The following NXPH2 variants were observed in gnomAD, a reference collection of about 807,000 sequenced individuals.
NXPH2 encodes the protein neurexophilin 2.
Under a neutral mutation model 19.8 loss-of-function variants are expected in NXPH2, and 5 were observed. The observed-to-expected ratio is 0.25, with a 90% CI of 0.13 to 0.53. The LOEUF is 0.53. Among genes scored for constraint, NXPH2 ranks in the 20% least tolerant of loss-of-function variants. NXPH2 has a pLI of 0.96. For synonymous variants in NXPH2, 154 were observed against 127.4 expected, an observed-to-expected ratio of 1.21 and a Z score of -1.41; for missense variants, 289 against 322.8, an observed-to-expected ratio of 0.90 and a Z score of 0.80.
At chr2:138,752,174 T>A (rs6751573) in intron 1 of NXPH2, among the ~76,000 whole-genome samples, 22,549 of 152,032 alleles carry the variant, frequency 0.15, 1,987 homozygotes, top group East Asian at 0.46. Flanking sequence ...ACTCAAATCT[T>A]ATTTACTAGG....
rs540194188 is a variant in NXPH2, at chr2:138,733,990, A to C, written c.51+46201T>G. Among the ~76,000 whole-genome samples the C allele has an allele frequency of 3.3e-5, 5 of 152,314 alleles. No individual in the cohort carries two copies. In the South Asian group the frequency reaches 8.3e-4, roughly 25 times the overall value. On this transcript the variant is annotated intron_variant, in intron 1 of 1. Transcript: ENST00000272641. ...GTGAGCATGGTGGCTCACACCTGTA[A>C]TCCCAGCACTTTGGGAGGCCAAGGC...
At chr2:138,680,154 G>T (rs999967023) in intron 1 of NXPH2, among the ~76,000 whole-genome samples, 1 of 152,318 alleles carries the variant, frequency 6.6e-6, no homozygotes, top group Non-Finnish European at 1.5e-5. Flanking sequence ...GCATAAAAAT[G>T]GTTAATGGGT....
chr2:138,689,638 G>A (rs1680716676), intron 1 of NXPH2, among the ~76,000 whole-genome samples: 2 of 152,146 alleles, frequency 1.3e-5, no homozygotes, highest in African/African-American at 4.8e-5. Flanking sequence ...AAATCGCATA[G>A]GAAAATGCTT....
intron 1 of NXPH2, among the ~76,000 whole-genome samples, chr2:138,694,863 G>T (rs1406893704): frequency 6.6e-6 from 1 of 152,130 alleles, no homozygotes; most frequent in Non-Finnish European, 1.5e-5. Context: ...AGATTATTTT[G>T]CAGGCTATTG....
chr2:138,672,779 A>G (rs1020743934), intron 1 of NXPH2, among the ~76,000 whole-genome samples: 1 of 152,224 alleles, frequency 6.6e-6, no homozygotes, highest in African/African-American at 2.4e-5. Context: ...ACTTGGCAAA[A>G]CACTTGGTAA....
intron 1 of NXPH2, among the ~76,000 whole-genome samples, chr2:138,716,486 T>A: frequency 6.6e-6 from 1 of 152,182 alleles, no homozygotes; most frequent in East Asian, 1.9e-4. Context: ...GGCACCTTGA[T>A]CTCGAACTTT....
chr2:138,682,980 G>T (rs1048344622), intron 1 of NXPH2, among the ~76,000 whole-genome samples: 5 of 152,074 alleles, frequency 3.3e-5, no homozygotes, highest in Non-Finnish European at 5.9e-5. Flanking sequence ...AGAAAACTTA[G>T]ATTTTATTTT....
At chr2:138,678,373 G>A (rs963360082) in intron 1 of NXPH2, among the ~76,000 whole-genome samples, 3 of 152,204 alleles carry the variant, frequency 2.0e-5, no homozygotes, top group African/African-American at 4.8e-5. Flanking sequence ...GGCTGAGGTA[G>A]AGCAAATGTA....
At chr2:138,759,291 T>C (rs1479942733) in intron 1 of NXPH2, among the ~76,000 whole-genome samples, 1 of 152,094 alleles carries the variant, frequency 6.6e-6, no homozygotes, top group East Asian at 1.9e-4. Context: ...AGGCATGGAT[T>C]CAAGAAACAA....
At chr2:138,688,522 C>T (rs1034492528) in intron 1 of NXPH2, among the ~76,000 whole-genome samples, 5 of 152,088 alleles carry the variant, frequency 3.3e-5, no homozygotes, top group African/African-American at 1.2e-4. Flanking sequence ...CTCCCTGTTA[C>T]CTAGAGCAGT....
At chr2:138,685,797 A>T (rs2104972231) in intron 1 of NXPH2, among the ~76,000 whole-genome samples, 1 of 152,344 alleles carries the variant, frequency 6.6e-6, no homozygotes, top group South Asian at 2.1e-4. Flanking sequence ...TGGTGACTTA[A>T]TCACAGGTTT....
chr2:138,746,498 T>A (rs1681736408), intron 1 of NXPH2, among the ~76,000 whole-genome samples: 3 of 152,204 alleles, frequency 2.0e-5, no homozygotes, highest in African/African-American at 7.2e-5. Flanking sequence ...TTAGGGTTAG[T>A]CTGTGACAGA....
intron 1 of NXPH2, among the ~76,000 whole-genome samples, chr2:138,715,482 T>C (rs1681182377): frequency 6.6e-6 from 1 of 152,192 alleles, no homozygotes; most frequent in Non-Finnish European, 1.5e-5. Flanking sequence ...GGGTGAATTA[T>C]AACAAAGTGA....
chr2:138,773,698 G>T (rs912894335), intron 1 of NXPH2, among the ~76,000 whole-genome samples: 7 of 152,122 alleles, frequency 4.6e-5, no homozygotes, highest in Non-Finnish European at 1.0e-4. Flanking sequence ...ATATGATAAA[G>T]CTTGAAAATC....
intron 1 of NXPH2, among the ~76,000 whole-genome samples, chr2:138,732,641 G>T (rs769803400): frequency 6.6e-6 from 1 of 152,080 alleles, no homozygotes; most frequent in Non-Finnish European, 1.5e-5. Context: ...TACAAGACAC[G>T]CTAAGGTTTT....
intron 1 of NXPH2, among the ~76,000 whole-genome samples, chr2:138,681,102 C>T (rs1486841774): frequency 6.6e-5 from 10 of 152,190 alleles, no homozygotes; most frequent in Non-Finnish European, 1.5e-4. Context: ...GGTTCTGAGA[C>T]AGTTAACCCT....
At chr2:138,694,167 T>A (rs1558915354) in intron 1 of NXPH2, among the ~76,000 whole-genome samples, 1 of 152,210 alleles carries the variant, frequency 6.6e-6, no homozygotes, top group Admixed American at 6.5e-5. Flanking sequence ...ATTCACCTGG[T>A]AAATATTTTC....
intron 1 of NXPH2, among the ~76,000 whole-genome samples, chr2:138,736,607 A>C (rs1681542925): frequency 6.6e-6 from 1 of 152,134 alleles, no homozygotes; most frequent in Non-Finnish European, 1.5e-5. Context: ...CATTCCCTGG[A>C]GACATTTTTC....
At chr2:138,676,656 G>A (rs757102461) in intron 1 of NXPH2, among the ~76,000 whole-genome samples, 3 of 152,156 alleles carry the variant, frequency 2.0e-5, no homozygotes, top group Admixed American at 6.5e-5. Flanking sequence ...AAGAATGGAC[G>A]GAAATTACTG....
Sources: gnomAD v4.1 joint callset for allele counts (sites outside exome capture counted in the v4.1 genomes callset) on GRCh38, gnomAD v4.1.1 for gene constraint, MANE v1.5 for transcripts, NCBI Gene and HGNC (gene_info 2026-07-23, HGNC 2026-07-21) for gene names.